Variants in RCBTB1 observed in about 807,000 individuals in gnomAD.
RCBTB1 encodes the protein RCC1 and BTB domain-containing protein 1.
A neutral mutation model predicts 62.4 loss-of-function variants in RCBTB1; 46 were observed. That is an observed-to-expected ratio of 0.74 (90% CI 0.58 to 0.94). The LOEUF (loss-of-function observed/expected upper bound fraction) is 0.94. RCBTB1 is among the 40% of genes least tolerant of loss of function. RCBTB1 has a pLI of 0.00. For synonymous variants in RCBTB1, 222 were observed against 245.8 expected, an observed-to-expected ratio of 0.90 and a Z score of 0.91; for missense variants, 565 against 654.9, an observed-to-expected ratio of 0.86 and a Z score of 1.50.
chr13:49,534,387 G>A (rs1486361870), intron 12 of RCBTB1, 125 bp from the exon 13 acceptor site: 9 of 990,078 alleles, frequency 9.1e-6, no homozygotes, highest in Non-Finnish European at 1.3e-5. Context: ...TGAGAGGCCA[G>A]ATACCTAAAA....
intron 2 of RCBTB1, among the ~76,000 whole-genome samples, chr13:49,579,530 A>C (rs558439811): frequency 6.6e-6 from 1 of 152,080 alleles, no homozygotes; most frequent in Non-Finnish European, 1.5e-5. Flanking sequence ...AGGCTGAGGC[A>C]GGAGAATGGC....
intron 12 of RCBTB1, among the ~76,000 whole-genome samples, chr13:49,536,350 C>G (rs9535259): frequency 0.8 from 122,258 of 152,134 alleles, 49,369 homozygotes; most frequent in East Asian, 0.9. Context: ...ACCAGAGAGT[C>G]GCACAGTCAA....
chr13:49,547,947 C>A (rs566154866), intron 9 of RCBTB1, among the ~76,000 whole-genome samples: 1 of 46,014 alleles, frequency 2.2e-5, no homozygotes, highest in South Asian at 6.2e-4. Flanking sequence ...ACCACCACTC[C>A]TGGTTATTTT....
At chr13:49,570,353 C>A (rs1240997496) in intron 2 of RCBTB1, among the ~76,000 whole-genome samples, 1 of 152,198 alleles carries the variant, frequency 6.6e-6, no homozygotes, top group Non-Finnish European at 1.5e-5. Context: ...TCACATGAAG[C>A]TTTATTTTAC....
At position 49,546,980 on chromosome 13, in the gene RCBTB1, T is replaced by C. The variant is rs572309082; in HGVS notation, c.1046-2117A>G. 55 of 985,246 alleles carry C rather than the reference T, an allele frequency of 5.6e-5. No individual in the cohort carries two copies. In the South Asian group the frequency reaches 1.6e-3, roughly 29 times the overall value. 61.0% of individuals were successfully genotyped at this position (985,246 alleles called of 1,614,324 possible). A position where few individuals can be genotyped will look rare whatever the true frequency, so the allele number is the denominator to read the frequency against. On this transcript the variant is annotated intron_variant, in intron 9 of 12. Transcript: ENST00000378302. ...ACATTTAAATTGTTAGGACATTTGT[T>C]CTGAAAAGAATGCCTGTGCCATTTT...
intron 3 of RCBTB1, 40 bp downstream of exon 3, chr13:49,567,114 A>G (rs910230112): frequency 6.9e-6 from 11 of 1,605,376 alleles, no homozygotes; most frequent in Admixed American, 5.0e-5. Context: ...CAATTGCCAA[A>G]TAAGTCCTAA....
intron 8 of RCBTB1, chr13:49,550,576 G>A (rs1961244150): frequency 3.3e-5 from 9 of 275,974 alleles, no homozygotes; most frequent in Non-Finnish European, 5.0e-5. Context: ...GTCCTTTCAA[G>A]AGCAGATTTA....
intron 9 of RCBTB1, chr13:49,546,964 T>C (rs554016020): frequency 3.7e-5 from 36 of 985,246 alleles, no homozygotes; most frequent in Non-Finnish European, 8.4e-6. Context: ...AACATTTAAA[T>C]TGTTAGGACA....
At position 49,541,594 on chromosome 13, in the gene RCBTB1, G is replaced by C. The variant is rs1178007584; in HGVS notation, c.1324+82C>G. On this transcript the variant is annotated intron_variant, in intron 11 of 12. Transcript: ENST00000378302. ...CCAAATTAAAGCCAATACACCTGAAGCTTTTTACATTTCAGGACTAAGAAT... is the reference window on the plus strand; with the variant it reads ...CCAAATTAAAGCCAATACACCTGAACCTTTTTACATTTCAGGACTAAGAAT... 1.6e-5 allele frequency: 22 copies of C among 1,350,490 alleles called. No individual in the cohort carries two copies. In the East Asian group the frequency reaches 5.1e-4, roughly 31 times the overall value. The allele number at this position is 1,350,490 out of a possible 1,614,324, so 83.7% of individuals were successfully genotyped here. A position where few individuals can be genotyped will look rare whatever the true frequency, so the allele number is the denominator to read the frequency against.
intron 3 of RCBTB1, among the ~76,000 whole-genome samples, 181 bp downstream of exon 3, chr13:49,566,973 T>C (rs1224077350): frequency 3.9e-5 from 6 of 152,176 alleles, no homozygotes; most frequent in African/African-American, 1.4e-4. Flanking sequence ...CAGAGTGCTA[T>C]GGAGTAGACG....
rs1960755259 is a variant in RCBTB1, at chr13:49,546,003, T to C, written c.1046-1140A>G. On this transcript the variant is annotated intron_variant, in intron 9 of 12. Transcript: ENST00000378302. ...CACCCCATGCAATGCAGAGCTCTCCTGGCTACAGAGGAAAGGTAGAAAACC... is the reference window on the plus strand; with the variant it reads ...CACCCCATGCAATGCAGAGCTCTCCCGGCTACAGAGGAAAGGTAGAAAACC... 5.1e-6 allele frequency: 4 copies of C among 788,084 alleles called. No homozygotes were observed. In the South Asian group the frequency reaches 1.7e-4, roughly 34 times the overall value. 48.8% of individuals were successfully genotyped at this position (788,084 alleles called of 1,614,324 possible).
intron 9 of RCBTB1, chr13:49,547,144 A>G (rs1960852316): frequency 7.8e-7 from 1 of 1,278,424 alleles, no homozygotes; most frequent in Non-Finnish European, 1.0e-6. Flanking sequence ...CATTCAGTGA[A>G]CCAATTATTT....
chr13:49,573,612 C>G (rs1963561317), intron 2 of RCBTB1, among the ~76,000 whole-genome samples: 1 of 151,872 alleles, frequency 6.6e-6, no homozygotes, highest in African/African-American at 2.4e-5. Context: ...TCACGCCCGG[C>G]TAATTTTGCA....
chr13:49,556,587 T>C (rs1462458588), intron 5 of RCBTB1, among the ~76,000 whole-genome samples: 1 of 148,860 alleles, frequency 6.7e-6, no homozygotes, highest in South Asian at 2.2e-4. Flanking sequence ...CATTAGGAAA[T>C]GTCTAAGCCC....
intron 7 of RCBTB1, 90 bp downstream of exon 7, chr13:49,552,088 A>G: frequency 1.2e-6 from 1 of 812,940 alleles, no homozygotes; most frequent in East Asian, 2.7e-5. Flanking sequence ...GCCAGAAAAG[A>G]CTGACTGAAG....
intron 12 of RCBTB1, among the ~76,000 whole-genome samples, chr13:49,538,603 G>C (rs1960103362): frequency 6.6e-6 from 1 of 151,974 alleles, no homozygotes; most frequent in Non-Finnish European, 1.5e-5. Flanking sequence ...CGTAGTCCCA[G>C]TTCCTGGACT....
chr13:49,549,486 G>A lies in RCBTB1; in HGVS notation c.1017C>T (p.Pro339=), dbSNP rs3751384. The A allele has an allele frequency of 8.7e-6, 14 of 1,612,090 alleles. No individual in the cohort carries two copies. In the East Asian group the frequency reaches 1.3e-4, roughly 15 times the overall value. The change falls in exon 9 of 13, where the codon CCC becomes CCT. Residue 339 remains proline, a synonymous_variant. Coordinates refer to ENST00000378302, the MANE Select transcript of RCBTB1 (RefSeq NM_018191.4). ...CAGACAGGAGGCGCCACGAGACGGC[G>A]GGAGTGGCAAAGCAGGCAAACACGT... ...TDDVFACFAT[P]AVSWRLLSVE... is the part of the protein sequence containing the mutation.
In RCBTB1 at chr13:49,568,726, C is replaced by G. The variant is rs1281884546; in HGVS notation, c.-41-1406G>C. Among the ~76,000 whole-genome samples, 7 of 152,042 alleles carry G rather than the reference C, an allele frequency of 4.6e-5. No individual in the cohort carries two copies. In the East Asian group the frequency reaches 1.4e-3, roughly 29 times the overall value. ...TGGGCAGATCAGGAGGTCAAGAGAT[C>G]GAGACCATCCTGACCAACATGGTGA... On this transcript the variant is annotated intron_variant, in intron 2 of 12. Coordinates refer to ENST00000378302, the MANE Select transcript of RCBTB1 (RefSeq NM_018191.4).
chr13:49,534,173 C>T lies in RCBTB1; in HGVS notation c.1545G>A (p.Leu515=). 1.2e-6 allele frequency: 2 copies of T among 1,614,192 alleles called. No homozygotes were observed. The highest frequency in any genetic ancestry group is 1.3e-5 in the African/African-American group (1 of 75,064). The change falls in exon 13 of 13, where the codon CTG becomes CTA. Residue 515 remains leucine, a synonymous_variant. Transcript: ENST00000378302. Reference sequence around the variant, plus strand: ...TGGCTTTAGCAATGAATTCCTTTAGCAGAGGGCCATCCATTTGCCAAAATG... The same window carrying T: ...TGGCTTTAGCAATGAATTCCTTTAGTAGAGGGCCATCCATTTGCCAAAATG... The part of the protein sequence containing the change: ...TAAFWQMDGP[L]LKEFIAKASK...
Sources: gnomAD v4.1 joint callset for allele counts (sites outside exome capture counted in the v4.1 genomes callset) on GRCh38, gnomAD v4.1.1 for gene constraint, MANE v1.5 for transcripts, NCBI Gene and HGNC (gene_info 2026-07-23, HGNC 2026-07-21) for gene names.